Variants in STXBP5L observed in about 807,000 individuals in gnomAD.
The protein encoded by STXBP5L is syntaxin-binding protein 5-like.
In STXBP5L, 65 loss-of-function variants were observed where a neutral mutation model predicts 144.5. The observed-to-expected ratio is 0.45, with a 90% CI of 0.37 to 0.55. The LOEUF (loss-of-function observed/expected upper bound fraction) is 0.55. Ranked by LOEUF, STXBP5L falls within the 20% of genes least tolerant of loss-of-function variation. The probability of loss-of-function intolerance (pLI) is 0.00; values close to 1 mark genes in which losing one functional copy is unlikely to be tolerated. For synonymous variants in STXBP5L, 505 were observed against 469.6 expected (o/e 1.08, Z -0.97); for missense variants, 1,298 against 1,405.5 (o/e 0.92, Z 1.22).
At chr3:121,238,405 A>G (rs2049552950) in intron 12 of STXBP5L, among the ~76,000 whole-genome samples, 1 of 152,104 alleles carries the variant, frequency 6.6e-6, no homozygotes, top group South Asian at 2.1e-4. Flanking sequence ...TTCACCTCCA[A>G]GACAGGACAT....
intron 2 of STXBP5L, among the ~76,000 whole-genome samples, chr3:120,936,158 TC>T (rs1448278779): frequency 6.6e-6 from 1 of 152,182 alleles, no homozygotes; most frequent in Non-Finnish European, 1.5e-5. Context: ...TCAAGGACAT[TC>T]TTCATTTCTG....
At position 121,250,719 on chromosome 3, in the gene STXBP5L, C is replaced by G. The variant is rs1415843331; in HGVS notation, c.1401-4C>G. 4 of 1,606,434 alleles carry G rather than the reference C, an allele frequency of 2.5e-6. No individual in the cohort carries two copies. The highest frequency in any genetic ancestry group is 3.4e-6 in the Non-Finnish European group (4 of 1,175,454). ...TAATTAATGCTAATTTATTTCTCATCTAGTCATGCAGATGGATCAATAAAA... is the reference window on the plus strand; with the variant it reads ...TAATTAATGCTAATTTATTTCTCATGTAGTCATGCAGATGGATCAATAAAA... On this transcript the variant is annotated splice_polypyrimidine_tract_variant and splice_region_variant and intron_variant, in intron 14 of 26. Coordinates refer to ENST00000471454, the MANE Select transcript of STXBP5L (RefSeq NM_001308330.2).
chr3:121,051,622 C>G (rs532065002), intron 5 of STXBP5L, among the ~76,000 whole-genome samples: 1 of 152,062 alleles, frequency 6.6e-6, no homozygotes, highest in Non-Finnish European at 1.5e-5. Flanking sequence ...TAAATGCCCA[C>G]AAGAGAAAGC....
intron 20 of STXBP5L, among the ~76,000 whole-genome samples, chr3:121,371,820 TGCACAGGTGGG>T (rs1553779602): frequency 1.3e-5 from 2 of 152,238 alleles, no homozygotes; most frequent in Non-Finnish European, 2.9e-5. Context: ...GCAGTGTTGC[TGCACAGGTGGG>T]GCACAGGCAG....
chr3:121,411,524 C>T (rs1471710054), intron 23 of STXBP5L, among the ~76,000 whole-genome samples: 3 of 151,870 alleles, frequency 2.0e-5, no homozygotes, highest in East Asian at 3.9e-4. Flanking sequence ...AAAACTGGCT[C>T]GAAAAACAGT....
At chr3:121,069,917 T>C (rs1347473561) in intron 5 of STXBP5L, among the ~76,000 whole-genome samples, 1 of 152,218 alleles carries the variant, frequency 6.6e-6, no homozygotes, top group African/African-American at 2.4e-5. Context: ...TTTAGTCTTT[T>C]TGATGTAGGC....
chr3:120,915,962 T>C (rs1027481946), intron 2 of STXBP5L, among the ~76,000 whole-genome samples: 2 of 152,154 alleles, frequency 1.3e-5, no homozygotes, highest in Non-Finnish European at 2.9e-5. Flanking sequence ...TTGACATGTT[T>C]ATTATTGAAA....
At chr3:121,235,921 T>C (rs1441586167) in intron 12 of STXBP5L, among the ~76,000 whole-genome samples, 1 of 151,914 alleles carries the variant, frequency 6.6e-6, no homozygotes, top group Non-Finnish European at 1.5e-5. Flanking sequence ...CCTAATAATA[T>C]GGCAAAAAAC....
At chr3:121,086,886 G>A (rs947550007) in intron 5 of STXBP5L, among the ~76,000 whole-genome samples, 1 of 151,994 alleles carries the variant, frequency 6.6e-6, no homozygotes, top group Non-Finnish European at 1.5e-5. Context: ...TTTGCACTAT[G>A]ATAAAATCAC....
chr3:120,982,476 A>T (rs1009490331), intron 3 of STXBP5L, among the ~76,000 whole-genome samples: 2 of 152,194 alleles, frequency 1.3e-5, no homozygotes, highest in Non-Finnish European at 1.5e-5. Flanking sequence ...GTGGGAATGC[A>T]ATCCATTTCC....
intron 5 of STXBP5L, among the ~76,000 whole-genome samples, chr3:121,103,393 T>C (rs1247932489): frequency 6.6e-6 from 1 of 152,172 alleles, no homozygotes; most frequent in African/African-American, 2.4e-5. Flanking sequence ...TGCAGCTATT[T>C]GGATGCAGCT....
Position 121,386,993 on chromosome 3 carries a change from A to G in STXBP5L, c.2587+5461A>G, listed in dbSNP as rs2046442958. Among the ~76,000 whole-genome samples the G allele has an allele frequency of 3.9e-5, 6 of 152,122 alleles. No individual in the cohort carries two copies. In the South Asian group the frequency reaches 1.2e-3, roughly 31 times the overall value. ...AGGAATTGCCACACTGTCTTCCATA[A>G]TGGTTGAACTAATTTACACTCCCAC... On this transcript the variant is annotated intron_variant, in intron 22 of 26. Coordinates refer to ENST00000471454, the MANE Select transcript of STXBP5L (RefSeq NM_001308330.2).
intron 12 of STXBP5L, among the ~76,000 whole-genome samples, chr3:121,235,816 AACAC>A (rs778143089): frequency 6.7e-5 from 10 of 149,148 alleles, no homozygotes; most frequent in East Asian, 5.9e-4. Context: ...CTCCTGCCAG[AACAC>A]ACACACACAC....
At chr3:121,344,048 G>C (rs1576229726) in intron 20 of STXBP5L, among the ~76,000 whole-genome samples, 1 of 151,948 alleles carries the variant, frequency 6.6e-6, no homozygotes, top group African/African-American at 2.4e-5. Context: ...TACCAAAACA[G>C]AGATATAGAT....
rs538316029 is a variant in STXBP5L, at chr3:121,251,447, G to A, written c.1441+684G>A. ...TCTTATTGAGACCTGGTAGATCCAG[G>A]AAAGGTATTTTGATGGAGTTAACAT... is the stretch of plus-strand genomic sequence containing the variant. On this transcript the variant is annotated intron_variant, in intron 15 of 26. Coordinates refer to ENST00000471454, the MANE Select transcript of STXBP5L (RefSeq NM_001308330.2). 2.6e-5 allele frequency among the ~76,000 whole-genome samples: 4 copies of A among 152,268 alleles called. No individual in the cohort carries two copies. The South Asian group carries it at 8.3e-4, about 32-fold the overall frequency.
intron 22 of STXBP5L, among the ~76,000 whole-genome samples, chr3:121,384,498 T>A: frequency 6.6e-6 from 1 of 152,056 alleles, no homozygotes; most frequent in African/African-American, 2.4e-5. Flanking sequence ...ACCCTGTCTC[T>A]AGAAAAAAAA....
intron 20 of STXBP5L, among the ~76,000 whole-genome samples, chr3:121,349,122 G>C (rs2045150506): frequency 6.6e-6 from 1 of 152,084 alleles, no homozygotes; most frequent in South Asian, 2.1e-4. Context: ...TCTACACACT[G>C]CTTTAAATGT....
intron 20 of STXBP5L, among the ~76,000 whole-genome samples, chr3:121,336,265 G>A (rs370083836): frequency 2.6e-4 from 39 of 152,162 alleles, no homozygotes; most frequent in African/African-American, 8.7e-4. Flanking sequence ...GGGAGGCTGA[G>A]GTGGGCAGAT....
intron 22 of STXBP5L, among the ~76,000 whole-genome samples, chr3:121,395,730 G>A (rs756059830): frequency 4.6e-5 from 7 of 152,194 alleles, no homozygotes; most frequent in East Asian, 1.9e-4. Context: ...TGGTGATACC[G>A]CTATCATAGC....
Sources: allele counts gnomAD v4.1 joint callset (sites outside exome capture counted in the v4.1 genomes callset), GRCh38; gene constraint gnomAD v4.1.1; transcripts MANE v1.5; gene names NCBI Gene and HGNC (gene_info 2026-07-23, HGNC 2026-07-21).